The following LINGO2 variants were observed in gnomAD, a reference collection of about 807,000 sequenced individuals.
LINGO2 encodes the protein leucine rich repeat and Ig domain containing 2.
In LINGO2, 14 loss-of-function variants were observed where a neutral mutation model predicts 30.6. That is an observed-to-expected ratio of 0.46 (90% confidence interval 0.30 to 0.72). The LOEUF (loss-of-function observed/expected upper bound fraction) is 0.72. Among genes scored for constraint, LINGO2 ranks in the 30% least tolerant of loss-of-function variants. LINGO2 has a pLI of 0.07. For missense variants in LINGO2, 729 were observed against 751.7 expected (o/e 0.97, Z 0.35); for synonymous variants, 317 against 288.5 (o/e 1.10, Z -1.00).
At chr9:28,649,635 C>G (rs953630648) in intron 1 of LINGO2, among the ~76,000 whole-genome samples, 1 of 151,778 alleles carries the variant, frequency 6.6e-6, no homozygotes, top group African/African-American at 2.4e-5. Context: ...TGCCTCAATT[C>G]CTGGAGAATA....
At chr9:28,372,416 G>A (rs551735930) in intron 3 of LINGO2, among the ~76,000 whole-genome samples, 2 of 152,234 alleles carry the variant, frequency 1.3e-5, no homozygotes, top group African/African-American at 2.4e-5. Context: ...AGTCAGGCAC[G>A]AAAGTCAAAC....
At chr9:29,016,342 T>G in the LINGO2 span, among the ~76,000 whole-genome samples, 2 of 152,150 alleles carry the variant, frequency 1.3e-5, no homozygotes, top group East Asian at 3.9e-4. Flanking sequence ...AATTTTCAGC[T>G]AAATAAACTA....
intron 1 of LINGO2, among the ~76,000 whole-genome samples, chr9:28,523,562 G>C (rs926773821): frequency 6.6e-6 from 1 of 152,052 alleles, no homozygotes; most frequent in Non-Finnish European, 1.5e-5. Flanking sequence ...AATTCTACTA[G>C]TTCTATTATT....
the LINGO2 span, among the ~76,000 whole-genome samples, chr9:28,846,902 A>G: frequency 6.9e-6 from 1 of 144,408 alleles, no homozygotes; most frequent in East Asian, 2.1e-4. Context: ...TGCTCCTCCT[A>G]CAGTCCAGAA....
intron 4 of LINGO2, among the ~76,000 whole-genome samples, chr9:28,106,783 C>A (rs1475437008): frequency 6.6e-6 from 1 of 152,114 alleles, no homozygotes; most frequent in African/African-American, 2.4e-5. Flanking sequence ...TATCTGTAAA[C>A]TGGGGGAAAA....
chr9:28,845,175 C>T, the LINGO2 span, among the ~76,000 whole-genome samples: 4 of 151,890 alleles, frequency 2.6e-5, no homozygotes, highest in East Asian at 1.9e-4. Flanking sequence ...ATGTAAGCCT[C>T]GGATAAGAAT....
chr9:29,113,784 T>C, the LINGO2 span, among the ~76,000 whole-genome samples: 1 of 152,076 alleles, frequency 6.6e-6, no homozygotes, highest in Admixed American at 6.6e-5. Flanking sequence ...ATCAAAGCAA[T>C]AGTTCCCAAG....
chr9:29,072,879 G>C, the LINGO2 span, among the ~76,000 whole-genome samples: 1 of 151,544 alleles, frequency 6.6e-6, no homozygotes, highest in African/African-American at 2.4e-5. Context: ...AATTGAAATA[G>C]TCACATAGGG....
At chr9:28,091,551 C>A (rs1009200376) in intron 4 of LINGO2, among the ~76,000 whole-genome samples, 9 of 152,098 alleles carry the variant, frequency 5.9e-5, no homozygotes, top group Non-Finnish European at 1.0e-4. Flanking sequence ...AAAATTAATT[C>A]AAGATGGATT....
chr9:28,191,334 T>C (rs112569950), intron 4 of LINGO2, among the ~76,000 whole-genome samples: 1,544 of 152,334 alleles, frequency 0.01, 34 homozygotes, highest in African/African-American at 0.036. Context: ...CTATAGTTCA[T>C]AGAGGTAAAG....
chr9:28,777,043 C>T, the LINGO2 span, among the ~76,000 whole-genome samples: 4 of 152,064 alleles, frequency 2.6e-5, no homozygotes, highest in Non-Finnish European at 4.4e-5. Context: ...TTTGCTCCCT[C>T]TCCCACTTGC....
chr9:28,421,407 A>AT (rs34930070), intron 2 of LINGO2, among the ~76,000 whole-genome samples: 38,032 of 148,336 alleles, frequency 0.26, 5,480 homozygotes, highest in Non-Finnish European at 0.32. Context: ...ACCCAAAAGC[A>AT]TTTTTTTTGC....
chr9:28,696,107 CTCTT>C, the LINGO2 span, among the ~76,000 whole-genome samples: 1 of 151,846 alleles, frequency 6.6e-6, no homozygotes, highest in African/African-American at 2.4e-5. Context: ...CAATGTCAGC[CTCTT>C]TCTCTTTAGT....
At chr9:28,669,057 C>G (rs1393710750) in intron 1 of LINGO2, among the ~76,000 whole-genome samples, 4 of 151,920 alleles carry the variant, frequency 2.6e-5, no homozygotes, top group Non-Finnish European at 5.9e-5. Context: ...TTAATTTACC[C>G]TAGTTACCCC....
chr9:28,827,899 AG>A, the LINGO2 span, among the ~76,000 whole-genome samples: 1 of 152,142 alleles, frequency 6.6e-6, no homozygotes, highest in Non-Finnish European at 1.5e-5. Context: ...AAGTCAATGC[AG>A]AATGGTAGCA....
chr9:28,560,422 T>G (rs1457734428), intron 1 of LINGO2, among the ~76,000 whole-genome samples: 1 of 152,076 alleles, frequency 6.6e-6, no homozygotes, highest in Admixed American at 6.5e-5. Flanking sequence ...AACTTTAGCA[T>G]TAGCTCTTTC....
At chr9:28,613,737 A>G (rs1050681090) in intron 1 of LINGO2, among the ~76,000 whole-genome samples, 2 of 152,118 alleles carry the variant, frequency 1.3e-5, no homozygotes, top group African/African-American at 2.4e-5. Context: ...CCAAAGACTG[A>G]TTCTGTTTGT....
chr9:28,351,225 A>C (rs1819868537), intron 3 of LINGO2, among the ~76,000 whole-genome samples: 1 of 149,212 alleles, frequency 6.7e-6, no homozygotes, highest in Non-Finnish European at 1.5e-5. Flanking sequence ...GTTTTTTGAA[A>C]GGATCAACAA....
chr9:28,348,156 G>A (rs1016507496), intron 3 of LINGO2, among the ~76,000 whole-genome samples: 1 of 152,078 alleles, frequency 6.6e-6, no homozygotes, highest in Non-Finnish European at 1.5e-5. Flanking sequence ...CAAGATGGCC[G>A]AATAGGAACA....
Sources: allele counts gnomAD v4.1 joint callset (sites outside exome capture counted in the v4.1 genomes callset), GRCh38; gene constraint gnomAD v4.1.1; transcripts MANE v1.5; gene names NCBI Gene and HGNC (gene_info 2026-07-23, HGNC 2026-07-21).